The following ZFYVE26 variants were observed in gnomAD, a reference collection of about 807,000 sequenced individuals.
The protein encoded by ZFYVE26 is zinc finger FYVE domain-containing protein 26.
Under a neutral mutation model 276.5 loss-of-function variants are expected in ZFYVE26, and 181 were observed. The ratio of observed to expected loss-of-function variants is 0.65; its 90% CI spans 0.58 to 0.74. The LOEUF is 0.74. Ranked by LOEUF, ZFYVE26 falls within the 30% of genes least tolerant of loss-of-function variation. The probability of loss-of-function intolerance (pLI) is 0.00; values close to 1 mark genes in which losing one functional copy is unlikely to be tolerated. For synonymous variants in ZFYVE26, 1,129 were observed against 1,203.1 expected, an observed-to-expected ratio of 0.94 and a Z score of 1.27; for missense variants, 2,821 against 3,097.9, an observed-to-expected ratio of 0.91 and a Z score of 2.12.
intron 10 of ZFYVE26, chr14:67,799,005 A>G (rs2040024214): frequency 4.4e-6 from 5 of 1,141,126 alleles, no homozygotes; most frequent in Non-Finnish European, 6.7e-6. Context: ...CTCTGCCCTC[A>G]GATCCTGGGA....
intron 3 of ZFYVE26, among the ~76,000 whole-genome samples, chr14:67,813,735 T>G (rs1379402033): frequency 6.6e-6 from 1 of 152,208 alleles, no homozygotes; most frequent in East Asian, 1.9e-4. Flanking sequence ...TCACTGAGTT[T>G]CCAAAAGTTC....
intron 39 of ZFYVE26, 26 bp from the exon 40 acceptor site, chr14:67,752,552 C>T (rs749495861): frequency 1.9e-6 from 3 of 1,613,570 alleles, no homozygotes; most frequent in East Asian, 4.5e-5. Context: ...ACATGATGGG[C>T]TTAGGAGCAG....
intron 21 of ZFYVE26, among the ~76,000 whole-genome samples, chr14:67,782,321 C>T (rs556637567): frequency 1.3e-5 from 2 of 152,294 alleles, no homozygotes; most frequent in South Asian, 2.1e-4. Context: ...TGTAGCCATG[C>T]TCATTTCTTT....
intron 9 of ZFYVE26, among the ~76,000 whole-genome samples, chr14:67,803,694 G>A (rs2040122616): frequency 6.6e-6 from 1 of 151,956 alleles, no homozygotes; most frequent in Non-Finnish European, 1.5e-5. Context: ...AGTATGAAGT[G>A]GACATGGGAG....
intron 2 of ZFYVE26, chr14:67,815,495 C>T (rs2140260465): frequency 4.1e-6 from 2 of 493,054 alleles, no homozygotes; most frequent in East Asian, 3.6e-5. Flanking sequence ...AATGCAGTTC[C>T]ACCATCTATA....
intron 19 of ZFYVE26, 128 bp from the exon 20 acceptor site, chr14:67,784,564 C>A (rs1230776647): frequency 8.5e-6 from 7 of 821,916 alleles, no homozygotes; most frequent in South Asian, 1.4e-5. Context: ...TCTGTTAATT[C>A]ATTCTAGGTA....
At chr14:67,766,080 C>A in intron 32 of ZFYVE26, 147 bp downstream of exon 32, 8 of 826,106 alleles carry the variant, frequency 9.7e-6, no homozygotes, top group Non-Finnish European at 1.6e-5. Flanking sequence ...CTGGCAACAC[C>A]GTTTCATCAA....
chr14:67,794,760 C>T (rs1594926900), intron 12 of ZFYVE26, among the ~76,000 whole-genome samples: 1 of 152,286 alleles, frequency 6.6e-6, no homozygotes, highest in South Asian at 2.1e-4. Flanking sequence ...GCCTGGGCAA[C>T]ACTGCAAGAC....
intron 35 of ZFYVE26, 38 bp downstream of exon 35, chr14:67,761,328 G>A (rs1411052095): frequency 6.3e-7 from 1 of 1,578,892 alleles, no homozygotes; most frequent in Non-Finnish European, 8.6e-7. Context: ...AGAGGAGTAA[G>A]GCAGGCACTG....
intron 27 of ZFYVE26, among the ~76,000 whole-genome samples, chr14:67,774,552 T>C (rs1174625157): frequency 1.3e-5 from 2 of 151,696 alleles, no homozygotes; most frequent in African/African-American, 2.4e-5. Flanking sequence ...TGCGGGGTAG[T>C]GCCAGAAGCT....
At position 67,798,429 on chromosome 14, in the gene ZFYVE26, T is replaced by C. The variant is rs2040006305; in HGVS notation, c.1833A>G (p.Ser611=). ...EDDDIEGKSP[S]GLRSPSESPQ... is the part of the protein sequence containing the mutation. ...GGCTCTCTGATGGGGACCTCAAACC[T>C]GAGGGGCTCTTCCCCTCAATGTCAT... The change falls in exon 11 of 42, where the codon TCA becomes TCG. Residue 611 remains serine, a synonymous_variant. Transcript: ENST00000347230. The C allele has an allele frequency of 1.2e-6, 2 of 1,613,922 alleles. No individual in the cohort carries two copies. Among genetic ancestry groups the C allele is most frequent in the Non-Finnish European group, 1.7e-6 (2 of 1,179,906 alleles).
intron 35 of ZFYVE26, chr14:67,760,920 C>T: frequency 2.8e-6 from 1 of 353,800 alleles, no homozygotes. Flanking sequence ...GGATTGGCAC[C>T]ATGGTTACTT....
chr14:67,800,938 T>TAAAC lies in ZFYVE26; in HGVS notation c.1639+1140_1639+1141insGTTT, dbSNP rs2040064824. On this transcript the variant is annotated intron_variant, in intron 10 of 41. Coordinates refer to ENST00000347230, the MANE Select transcript of ZFYVE26 (RefSeq NM_015346.4). ...AAAAGTTACCGTATAAATAAATAAA[T>TAAAC]AAATAAATAAATAAATAAATAAAAG... Among the ~76,000 whole-genome samples the TAAAC allele has an allele frequency of 1.1e-4, 16 of 151,142 alleles. No individual in the cohort carries two copies. The South Asian group carries it at 3.3e-3, about 31-fold the overall frequency.
At position 67,785,193 on chromosome 14, in the gene ZFYVE26, T is replaced by G; in HGVS notation, c.3389A>C (p.Gln1130Pro). The G allele has an allele frequency of 6.2e-7, 1 of 1,614,180 alleles. No homozygotes were observed. Among genetic ancestry groups the G allele is most frequent in the Non-Finnish European group, 8.5e-7 (1 of 1,180,010 alleles). ...CAGGTTCTTCTGGAGGAGCTGAGTC[T>G]GGATCTGCACAGGGTGGGCCTCTGC... ...PEAEAHPVQI[Q>P]TQLLQKNLGK... is the part of the protein sequence containing the mutation. Residue 1130 changes from glutamine to proline, a missense_variant, in exon 19 of 42, where the codon CAG becomes CCG. Physicochemically the swap from Gln to Pro is moderately conservative, Grantham distance 76 (BLOSUM62 -1). Coordinates refer to ENST00000347230, the MANE Select transcript of ZFYVE26 (RefSeq NM_015346.4).
intron 35 of ZFYVE26, among the ~76,000 whole-genome samples, chr14:67,758,480 A>G (rs2038845411): frequency 6.6e-6 from 1 of 152,188 alleles, no homozygotes; most frequent in South Asian, 2.1e-4. Flanking sequence ...TTCTTGGTCC[A>G]GATGGAAAGA....
chr14:67,798,613 T>C lies in ZFYVE26; in HGVS notation c.1649A>G (p.Asn550Ser), dbSNP rs1309665064. The C allele has an allele frequency of 6.2e-7, 1 of 1,613,258 alleles. No homozygotes were observed. Among genetic ancestry groups the C allele is most frequent in the Non-Finnish European group, 8.5e-7 (1 of 1,179,950 alleles). The change falls in exon 11 of 42, where the codon AAT becomes AGT. Residue 550 changes from asparagine (N) to serine (S), a missense_variant. Asn to Ser is a conservative substitution (Grantham distance 46). Coordinates refer to ENST00000347230, the MANE Select transcript of ZFYVE26 (RefSeq NM_015346.4). ...CCTGGCCAGGTAAGTTGAGAAGAGA[T>C]TTGCAGCACCTACAAAAACATGTAC... Reference protein sequence around the residue: ...NDSLSSPGAANLFSTYLARCQ... With the variant: ...NDSLSSPGAASLFSTYLARCQ...
Position 67,815,962 on chromosome 14 carries a change from ATT to A in ZFYVE26, c.-1_1del, listed in dbSNP as rs2040397519. 6.2e-7 allele frequency: 1 copy of A among 1,609,986 alleles called. No homozygotes were observed. The highest frequency in any genetic ancestry group is 1.3e-5 in the African/African-American group (1 of 74,706). Reference sequence around the variant, plus strand: ...TTCCTCTTTTCCAAATGGATGATTCATTTTCCCAGCACAGAGTGCAGGGAGAT... The same window carrying A: ...TTCCTCTTTTCCAAATGGATGATTCATTCCCAGCACAGAGTGCAGGGAGAT... On this transcript the variant is annotated start_lost and start_retained_variant and 5_prime_UTR_variant, in exon 2 of 42. Transcript: ENST00000347230.
In ZFYVE26 at chr14:67,798,104, C is replaced by T. The variant is rs756833174; in HGVS notation, c.2158G>A (p.Asp720Asn). The T allele has an allele frequency of 1.5e-5, 25 of 1,614,186 alleles. No individual in the cohort carries two copies. Among genetic ancestry groups the T allele is most frequent in the Non-Finnish European group, 1.4e-5 (17 of 1,180,024 alleles). Reference protein sequence around the residue: ...QESQSCSGSRDGLQSRLHRLS... With the variant: ...QESQSCSGSRNGLQSRLHRLS... ...CGATGCAGGCGGCTCTGCAGTCCATCTCTGCTTCCTGAGCAGCTCTGACTT... is the reference window on the plus strand; with the variant it reads ...CGATGCAGGCGGCTCTGCAGTCCATTTCTGCTTCCTGAGCAGCTCTGACTT... Residue 720 changes from aspartate to asparagine, a missense_variant, in exon 11 of 42, where the codon GAT becomes AAT. By Grantham distance (23) the Asp-to-Asn change is conservative (BLOSUM62 1). Transcript: ENST00000347230.
intron 10 of ZFYVE26, among the ~76,000 whole-genome samples, chr14:67,799,827 T>C (rs2040042695): frequency 6.6e-6 from 1 of 152,142 alleles, no homozygotes; most frequent in Non-Finnish European, 1.5e-5. Context: ...CTGAAGGAAC[T>C]TGGTGGTGAC....
Sources: gnomAD v4.1 joint callset for allele counts (sites outside exome capture counted in the v4.1 genomes callset) on GRCh38, gnomAD v4.1.1 for gene constraint, MANE v1.5 for transcripts, NCBI Gene and HGNC (gene_info 2026-07-23, HGNC 2026-07-21) for gene names.